Variants in PTPN13 observed in about 807,000 individuals in gnomAD.
PTPN13 encodes the protein tyrosine-protein phosphatase non-receptor type 13.
In PTPN13, 191 loss-of-function variants were observed where a neutral mutation model predicts 284.0. The ratio of observed to expected loss-of-function variants is 0.67; its 90% CI spans 0.60 to 0.76. The LOEUF is 0.76. Among genes scored for constraint, PTPN13 ranks in the 30% least tolerant of loss-of-function variants. The pLI, the probability that PTPN13 is intolerant of heterozygous loss-of-function variation, is 0.00. For synonymous variants in PTPN13, 986 were observed against 1,022.3 expected, an observed-to-expected ratio of 0.96 and a Z score of 0.68; for missense variants, 2,797 against 2,939.9, an observed-to-expected ratio of 0.95 and a Z score of 1.12.
chr4:86,714,137 C>A (rs979712692), intron 7 of PTPN13, among the ~76,000 whole-genome samples: 1 of 151,556 alleles, frequency 6.6e-6, no homozygotes, highest in African/African-American at 2.4e-5. Context: ...TCTAGCCTAC[C>A]CTACATCTTC....
rs1373773926 is a variant in PTPN13 at position 86,772,883 on chromosome 4, T to A, written c.5274T>A (p.Ile1758=). The A allele has an allele frequency of 6.2e-6, 10 of 1,612,742 alleles. No individual in the cohort carries two copies. The highest frequency in any genetic ancestry group is 1.1e-5 in the South Asian group (1 of 90,838). ...SSMDKYHIHH[I]SEPTRQENWT... The stretch of plus-strand genomic sequence containing the variant: ...TGGATAAGTATCATATACATCACAT[T>A]TCTGAACCAACTAGACAAGAAAACT... Residue 1758 remains isoleucine (I), a synonymous_variant, in exon 32 of 48, where the codon ATT becomes ATA. Coordinates refer to ENST00000411767, the MANE Select transcript of PTPN13 (RefSeq NM_080683.3).
chr4:86,613,920 G>C (rs1367275107), intron 1 of PTPN13, among the ~76,000 whole-genome samples: 1 of 152,070 alleles, frequency 6.6e-6, no homozygotes, highest in Non-Finnish European at 1.5e-5. Flanking sequence ...TAGAATTTCT[G>C]ATCTCTGTAT....
intron 2 of PTPN13, among the ~76,000 whole-genome samples, chr4:86,636,173 G>C (rs921521008): frequency 6.6e-6 from 1 of 152,050 alleles, no homozygotes; most frequent in Admixed American, 6.6e-5. Context: ...CCAGGTGAGA[G>C]GGAGGGGAAA....
At chr4:86,607,173 A>C (rs1048845353) in intron 1 of PTPN13, among the ~76,000 whole-genome samples, 1 of 151,828 alleles carries the variant, frequency 6.6e-6, no homozygotes, top group Admixed American at 6.6e-5. Flanking sequence ...AAGTCTTTAA[A>C]TACCCTTACT....
Position 86,716,697 on chromosome 4 carries a change from A to T in PTPN13, c.1291+72A>T. 4 of 1,091,564 alleles carry T rather than the reference A, an allele frequency of 3.7e-6. 1 individual carries two copies. Among genetic ancestry groups the T allele is most frequent in the Non-Finnish European group, 2.6e-6 (2 of 764,462 alleles). 67.6% of individuals were successfully genotyped at this position (1,091,564 alleles called of 1,614,324 possible). ...TATTATTATTTTCAATAGTGTTCAA[A>T]TATTAATATAAATTGCCAGAAAGAA... On this transcript the variant is annotated intron_variant, in intron 8 of 47. Coordinates refer to ENST00000411767, the MANE Select transcript of PTPN13 (RefSeq NM_080683.3).
rs1414146163 is a variant in PTPN13 at position 86,748,373 on chromosome 4, T to C, written c.2651-2097T>C. Among the ~76,000 whole-genome samples the C allele has an allele frequency of 2.6e-5, 4 of 152,178 alleles. 1 individual carries two copies. The highest frequency in any genetic ancestry group is 9.7e-5 in the African/African-American group (4 of 41,448). On this transcript the variant is annotated intron_variant, in intron 17 of 47. Transcript: ENST00000411767. ...GCAGTAGGAAAGACCAGATAAATGG[T>C]TGGTTTATGATCCCATCCCATATCC...
At position 86,814,437 on chromosome 4, in the gene PTPN13, T is replaced by C; in HGVS notation, c.7363-19T>C. The C allele has an allele frequency of 6.6e-7, 1 of 1,505,204 alleles. No individual in the cohort carries two copies. Among genetic ancestry groups the C allele is most frequent in the East Asian group, 2.3e-5 (1 of 44,254 alleles). 93.2% of individuals were successfully genotyped at this position (1,505,204 alleles called of 1,614,324 possible). Reference sequence around the variant, plus strand: ...CATTATACATCTAAAGTATTCTATCTCACTTTTTTTGGCCATAGGATCAAT... The same window carrying C: ...CATTATACATCTAAAGTATTCTATCCCACTTTTTTTGGCCATAGGATCAAT... On this transcript the variant is annotated intron_variant, in intron 47 of 47. Coordinates refer to ENST00000411767, the MANE Select transcript of PTPN13 (RefSeq NM_080683.3).
Position 86,785,247 on chromosome 4 carries a change from A to C in PTPN13, c.6135A>C (p.Glu2045Asp). The change falls in exon 39 of 48, where the codon GAA becomes GAC. Residue 2045 changes from glutamate (E) to aspartate (D), a missense_variant. By Grantham distance (45) the Glu-to-Asp change is conservative (BLOSUM62 2). Transcript: ENST00000411767. ...LTLPKESYIQEDDIYDDSQEA... is the reference protein window; with the variant it reads ...LTLPKESYIQDDDIYDDSQEA... ...TTTTTCAAGAATCTTATATACAAGA[A>C]GATGACATTTATGATGATTCCCAAG... The C allele has an allele frequency of 6.4e-7, 1 of 1,556,696 alleles. No homozygotes were observed. Among genetic ancestry groups the C allele is most frequent in the Non-Finnish European group, 8.8e-7 (1 of 1,138,004 alleles).
At chr4:86,628,361 C>T (rs1344228711) in intron 1 of PTPN13, among the ~76,000 whole-genome samples, 6 of 151,656 alleles carry the variant, frequency 4.0e-5, no homozygotes, top group Admixed American at 6.6e-5. Flanking sequence ...ATTTGCCAGC[C>T]GTATATCTTC....
At chr4:86,678,218 C>A (rs1480255459) in intron 3 of PTPN13, among the ~76,000 whole-genome samples, 1 of 152,068 alleles carries the variant, frequency 6.6e-6, no homozygotes, top group East Asian at 1.9e-4. Flanking sequence ...CTGTTTTGAG[C>A]TTTAAAAATA....
intron 40 of PTPN13, among the ~76,000 whole-genome samples, chr4:86,786,921 T>C (rs1300848511): frequency 1.3e-5 from 2 of 152,000 alleles, no homozygotes; most frequent in African/African-American, 2.4e-5. Context: ...CTGGCCAACA[T>C]GGTGAAACCC....
In PTPN13 at chr4:86,807,673, C is replaced by A. The variant is rs771099100; in HGVS notation, c.6859C>A (p.Pro2287Thr). Residue 2287 changes from proline (P) to threonine (T), a missense_variant, in exon 45 of 48, where the codon CCT becomes ACT. Physicochemically the swap from Pro to Thr is conservative, Grantham distance 38. Transcript: ENST00000411767. ...FVYIACQGPL[P>T]TTVGDFWQMI... ...TTACATTGCCTGCCAAGGACCACTG[C>A]CTACAACTGTTGGAGACTTCTGGCA... 6.2e-7 allele frequency: 1 copy of A among 1,613,874 alleles called. No individual in the cohort carries two copies. The highest frequency in any genetic ancestry group is 8.5e-7 in the Non-Finnish European group (1 of 1,179,894).
chr4:86,725,058 A>C (rs1734095639), intron 10 of PTPN13, among the ~76,000 whole-genome samples: 1 of 151,180 alleles, frequency 6.6e-6, no homozygotes, highest in Admixed American at 6.6e-5. Context: ...ATGAGTGAGA[A>C]CATGTGGTGT....
At position 86,716,297 on chromosome 4, in the gene PTPN13, C is replaced by A. The variant is rs548898019; in HGVS notation, c.1196-233C>A. 6.6e-5 allele frequency among the ~76,000 whole-genome samples: 10 copies of A among 152,274 alleles called. No individual in the cohort carries two copies. In the South Asian group the frequency reaches 2.1e-3, roughly 32 times the overall value. ...TAAATTACTTTCCTAAGGTCACACA[C>A]TAGAAAGTGGTGGAACTGATTCAAA... On this transcript the variant is annotated intron_variant, in intron 7 of 47. Coordinates refer to ENST00000411767, the MANE Select transcript of PTPN13 (RefSeq NM_080683.3).
chr4:86,796,385 A>T (rs947559653), intron 40 of PTPN13, among the ~76,000 whole-genome samples: 10 of 152,168 alleles, frequency 6.6e-5, no homozygotes, highest in African/African-American at 2.4e-4. Flanking sequence ...CTGTAATCCC[A>T]ACACTTTGGG....
chr4:86,645,070 G>T (rs150134550), intron 2 of PTPN13, among the ~76,000 whole-genome samples: 2 of 151,956 alleles, frequency 1.3e-5, no homozygotes, highest in African/African-American at 2.4e-5. Flanking sequence ...TTAGTCAGAC[G>T]TGGTGACATA....
intron 1 of PTPN13, among the ~76,000 whole-genome samples, chr4:86,609,711 T>C (rs911928220): frequency 1.3e-5 from 2 of 152,196 alleles, no homozygotes; most frequent in African/African-American, 4.8e-5. Context: ...TTAATCCCTT[T>C]CTTTTGTTAG....
At chr4:86,639,785 T>G (rs1723545213) in intron 2 of PTPN13, among the ~76,000 whole-genome samples, 1 of 151,802 alleles carries the variant, frequency 6.6e-6, no homozygotes, top group African/African-American at 2.4e-5. Flanking sequence ...CATATGTAAC[T>G]AACCTGCACA....
At chr4:86,751,488 T>G (rs1737381666) in intron 19 of PTPN13, among the ~76,000 whole-genome samples, 1 of 152,086 alleles carries the variant, frequency 6.6e-6, no homozygotes, top group African/African-American at 2.4e-5. Context: ...CATCTGGCTT[T>G]TTATATTTTT....
Sources: gnomAD v4.1 joint callset for allele counts (sites outside exome capture counted in the v4.1 genomes callset) on GRCh38, gnomAD v4.1.1 for gene constraint, MANE v1.5 for transcripts, NCBI Gene and HGNC (gene_info 2026-07-23, HGNC 2026-07-21) for gene names.